MYLK: variants seen among roughly 807,000 people sequenced by gnomAD.
MYLK encodes the protein myosin light chain kinase, smooth muscle.
A neutral mutation model predicts 203.4 loss-of-function variants in MYLK; 106 were observed. That is an observed-to-expected ratio of 0.52 (90% CI 0.45 to 0.61). The LOEUF (loss-of-function observed/expected upper bound fraction) is 0.61. MYLK is among the 20% of genes least tolerant of loss of function. MYLK has a pLI of 0.00. For missense variants in MYLK, 2,072 were observed against 2,442.3 expected, an observed-to-expected ratio of 0.85 and a Z score of 3.20; for synonymous variants, 867 against 959.5, an observed-to-expected ratio of 0.90 and a Z score of 1.78.
In MYLK at chr3:123,657,122, C is replaced by T; in HGVS notation, c.4288+4G>A. On this transcript the variant is annotated splice_donor_region_variant and intron_variant, in intron 24 of 33. Transcript: ENST00000360304. ...AAGCCACTGATGAAGTGATGGCAGCCTACCTTCAGGTTTCTCTCCTACCGT... is the reference window on the plus strand; with the variant it reads ...AAGCCACTGATGAAGTGATGGCAGCTTACCTTCAGGTTTCTCTCCTACCGT... 6.2e-7 allele frequency: 1 copy of T among 1,614,202 alleles called. No homozygotes were observed. The highest frequency in any genetic ancestry group is 8.5e-7 in the Non-Finnish European group (1 of 1,180,030).
intron 13 of MYLK, among the ~76,000 whole-genome samples, chr3:123,714,292 G>A (rs1479701226): frequency 6.6e-6 from 1 of 152,182 alleles, no homozygotes; most frequent in Non-Finnish European, 1.5e-5. Flanking sequence ...TGGTCTGGGT[G>A]CTTTCCCTTG....
intron 23 of MYLK, chr3:123,659,653 A>G: frequency 1.9e-6 from 1 of 517,728 alleles, no homozygotes; most frequent in South Asian, 1.4e-5. Context: ...TATGAGCCCC[A>G]TGCAGTGGCT....
At position 123,682,314 on chromosome 3, in the gene MYLK, G is replaced by A. The variant is rs1440333299; in HGVS notation, c.3566-4C>T. 6.3e-7 allele frequency: 1 copy of A among 1,590,282 alleles called. No individual in the cohort carries two copies. Among genetic ancestry groups the A allele is most frequent in the African/African-American group, 1.3e-5 (1 of 74,816 alleles). ...GTGTTCTCACTGGCTGGAGCATCTGGAATGAAACAGGTAACAATAAATGTT... is the reference window on the plus strand; with the variant it reads ...GTGTTCTCACTGGCTGGAGCATCTGAAATGAAACAGGTAACAATAAATGTT... On this transcript the variant is annotated splice_polypyrimidine_tract_variant and splice_region_variant and intron_variant, in intron 19 of 33. Transcript: ENST00000360304.
At chr3:123,675,674 C>A (rs1020199295) in intron 20 of MYLK, among the ~76,000 whole-genome samples, 4 of 152,176 alleles carry the variant, frequency 2.6e-5, no homozygotes, top group Non-Finnish European at 5.9e-5. Context: ...GACATCAAAT[C>A]CTTCAAAATT....
chr3:123,708,993 C>A, intron 14 of MYLK, 98 bp from the exon 15 acceptor site: 1 of 968,780 alleles, frequency 1.0e-6, no homozygotes, highest in Non-Finnish European at 1.6e-6. Context: ...TGAAACACTC[C>A]AACAACTCTC....
intron 23 of MYLK, among the ~76,000 whole-genome samples, chr3:123,662,818 G>A (rs2059607428): frequency 6.6e-6 from 1 of 152,194 alleles, no homozygotes; most frequent in Non-Finnish European, 1.5e-5. Flanking sequence ...AAGGGGTCTA[G>A]TGGGGGCATC....
intron 29 of MYLK, among the ~76,000 whole-genome samples, chr3:123,632,299 CT>C (rs750181811): frequency 6.6e-6 from 1 of 152,176 alleles, no homozygotes; most frequent in Non-Finnish European, 1.5e-5. Context: ...CAGCCTGTCT[CT>C]TGCCTGTCAG....
intron 2 of MYLK, among the ~76,000 whole-genome samples, chr3:123,832,436 C>A (rs1358697302): frequency 6.6e-6 from 1 of 152,208 alleles, no homozygotes; most frequent in African/African-American, 2.4e-5. Flanking sequence ...GCTACCCATC[C>A]AGATGGTGTG....
intron 2 of MYLK, among the ~76,000 whole-genome samples, chr3:123,844,802 T>C (rs1290561617): frequency 6.7e-6 from 1 of 149,096 alleles, no homozygotes; most frequent in East Asian, 2.0e-4. Context: ...CTGGGTAATA[T>C]ATAACTCTTC....
In MYLK at chr3:123,862,978, C is replaced by T. The variant is rs139800584; in HGVS notation, c.-127+13581G>A. Among the ~76,000 whole-genome samples, 13 of 152,296 alleles carry T rather than the reference C, an allele frequency of 8.5e-5. No homozygotes were observed. The East Asian group carries it at 1.4e-3, about 16-fold the overall frequency. ...ACTCACGTTGAAAACCTGTCATCCA[C>T]GTAAGAAGGGTTATTATAACACAGT... On this transcript the variant is annotated intron_variant, in intron 2 of 33. Coordinates refer to ENST00000360304, the MANE Select transcript of MYLK (RefSeq NM_053025.4).
chr3:123,734,148 G>C lies in MYLK; in HGVS notation c.848C>G (p.Ser283Trp). ...KEVTNVISKESKLDSLEAAAK... is the reference protein window; with the variant it reads ...KEVTNVISKEWKLDSLEAAAK... Reference sequence around the variant, plus strand: ...TGCAGCCTCCAGACTGTCCAGCTTCGACTCCTTTGAGATTACATTGGTCAC... The same window carrying C: ...TGCAGCCTCCAGACTGTCCAGCTTCCACTCCTTTGAGATTACATTGGTCAC... Residue 283 changes from serine (S) to tryptophan (W), a missense_variant, in exon 10 of 34, where the codon TCG becomes TGG. Around this residue, in one of 3 missense-constraint regions of MYLK, gnomAD observed 683 missense variants for 643.8 expected, o/e 1.06. Transcript: ENST00000360304. 6.4e-7 allele frequency: 1 copy of C among 1,567,786 alleles called. No homozygotes were observed. The highest frequency in any genetic ancestry group is 8.6e-7 in the Non-Finnish European group (1 of 1,161,388).
chr3:123,736,023 A>T (rs2062662443), intron 8 of MYLK, among the ~76,000 whole-genome samples: 1 of 152,164 alleles, frequency 6.6e-6, no homozygotes, highest in Non-Finnish European at 1.5e-5. Context: ...TTTGTCATGA[A>T]GTCCATCAGG....
intron 4 of MYLK, among the ~76,000 whole-genome samples, chr3:123,756,665 C>A (rs955589804): frequency 6.6e-6 from 1 of 152,140 alleles, no homozygotes; most frequent in Non-Finnish European, 1.5e-5. Flanking sequence ...CCCTCTAATC[C>A]TCCATATGAG....
intron 18 of MYLK, among the ~76,000 whole-genome samples, chr3:123,694,554 G>A (rs1372342113): frequency 6.6e-6 from 1 of 152,160 alleles, no homozygotes; most frequent in East Asian, 1.9e-4. Flanking sequence ...CTCAAGTCAG[G>A]GTGGGGCTAA....
chr3:123,854,192 C>T (rs1359040867), intron 2 of MYLK, among the ~76,000 whole-genome samples: 1 of 150,080 alleles, frequency 6.7e-6, no homozygotes, highest in Non-Finnish European at 1.5e-5. Flanking sequence ...TGAGCTGGCC[C>T]AGATTTAAAA....
intron 2 of MYLK, among the ~76,000 whole-genome samples, chr3:123,847,983 C>CA (rs1490012884): frequency 6.6e-6 from 1 of 151,810 alleles, no homozygotes; most frequent in Non-Finnish European, 1.5e-5. Flanking sequence ...GTTCTACATG[C>CA]AAAAAACCAT....
At position 123,647,245 on chromosome 3, in the gene MYLK, T is replaced by C; in HGVS notation, c.4598A>G (p.Asn1533Ser). ...TCACATCTCCAGGACCATGACGATG[T>C]TGGCCTTTTCTTCAAAGGCATCCAC... ...QCVDAFEEKA[N>S]IVMVLEIVSG... Residue 1533 changes from asparagine to serine, a missense_variant, in exon 27 of 34, where the codon AAC (asparagine) becomes AGC (serine). This residue lies in a region of MYLK where 524 missense variants were observed against 782.4 expected (regional missense o/e 0.67). Transcript: ENST00000360304. 1 of 1,614,240 alleles carries C rather than the reference T, an allele frequency of 6.2e-7. No individual in the cohort carries two copies. Among genetic ancestry groups the C allele is most frequent in the Non-Finnish European group, 8.5e-7 (1 of 1,180,032 alleles).
chr3:123,856,336 T>C (rs1038827052), intron 2 of MYLK, among the ~76,000 whole-genome samples: 1 of 152,202 alleles, frequency 6.6e-6, no homozygotes, highest in Non-Finnish European at 1.5e-5. Context: ...CTGCCCAGAA[T>C]TGGTCTCACC....
chr3:123,705,980 C>T (rs1297349899), intron 16 of MYLK, among the ~76,000 whole-genome samples: 1 of 152,102 alleles, frequency 6.6e-6, no homozygotes, highest in Non-Finnish European at 1.5e-5. Context: ...GTACCTTCTC[C>T]CCATTTTGGA....
Sources: gnomAD v4.1 joint callset for allele counts (sites outside exome capture counted in the v4.1 genomes callset) on GRCh38, gnomAD v4.1.1 for gene constraint, gnomAD v4.1.1 regional missense constraint, MANE v1.5 for transcripts, NCBI Gene and HGNC (gene_info 2026-07-23, HGNC 2026-07-21) for gene names.